The following CPB2 variants were observed in gnomAD, a reference collection of about 807,000 sequenced individuals.
CPB2 encodes the protein carboxypeptidase B-like protein.
CPB2 carries 54 observed loss-of-function variants against 57.0 expected under a neutral mutation model. The ratio of observed to expected loss-of-function variants is 0.95; its 90% CI spans 0.76 to 1.19. The LOEUF (loss-of-function observed/expected upper bound fraction) is 1.19. CPB2 is among the 50% of genes most tolerant of loss of function. The probability of loss-of-function intolerance (pLI) is 0.00; values close to 1 mark genes in which losing one functional copy is unlikely to be tolerated. For missense variants in CPB2, 426 were observed against 512.0 expected (o/e 0.83, Z 1.62); for synonymous variants, 189 against 178.1 (o/e 1.06, Z -0.49).
At chr13:46,101,360 G>T (rs1056718468) in intron 1 of CPB2, 1 of 152,126 alleles carries the variant, frequency 6.6e-6, no homozygotes, top group Non-Finnish European at 1.5e-5. Flanking sequence ...TTCTTTTAAA[G>T]ATTTTCTTTT....
intron 6 of CPB2, 63 bp from the exon 7 acceptor site, chr13:46,067,480 C>T: frequency 1.2e-6 from 1 of 836,346 alleles, no homozygotes; most frequent in South Asian, 1.6e-5. Context: ...TAGTGTGTTT[C>T]TTTTTCTTTT....
chr13:46,096,867 G>A (rs1273235341), intron 1 of CPB2, among the ~76,000 whole-genome samples: 1 of 152,186 alleles, frequency 6.6e-6, no homozygotes, highest in Non-Finnish European at 1.5e-5. Flanking sequence ...GTCCCAAATA[G>A]GCAGAGCTTC....
intron 1 of CPB2, chr13:46,100,605 A>G (rs1250958681): frequency 6.6e-6 from 1 of 152,130 alleles, no homozygotes; most frequent in Non-Finnish European, 1.5e-5. Context: ...ATAATGAGAG[A>G]GTTGGATGTT....
intron 6 of CPB2, among the ~76,000 whole-genome samples, chr13:46,069,712 G>C (rs1204058099): frequency 6.6e-6 from 1 of 152,148 alleles, no homozygotes; most frequent in African/African-American, 2.4e-5. Context: ...TTCATTGCAT[G>C]AATATGCTGC....
Position 46,064,758 on chromosome 13 carries a change from C to T in CPB2, c.703-17G>A, listed in dbSNP as rs753115072. Reference sequence around the variant, plus strand: ...CATTCGATTCTACATAAACAAAATACAAACAGACAACCTGGGTAGCCACGT... The same window carrying T: ...CATTCGATTCTACATAAACAAAATATAAACAGACAACCTGGGTAGCCACGT... On this transcript the variant is annotated splice_polypyrimidine_tract_variant and intron_variant, in intron 7 of 10. Transcript: ENST00000181383. 155 of 1,607,728 alleles carry T rather than the reference C, an allele frequency of 9.6e-5. No homozygotes were observed. Among genetic ancestry groups the T allele is most frequent in the Non-Finnish European group, 1.3e-4 (149 of 1,174,530 alleles).
rs1386834142 is a variant in CPB2, at chr13:46,103,589, A to G, written c.74+1347T>C. ...TTGTAAAATGTCAGTAAAGATTCCT[A>G]GCATGTAGGATTTTATGCATTTAAA... On this transcript the variant is annotated intron_variant, in intron 1 of 10. Transcript: ENST00000181383. 3.3e-5 allele frequency among the ~76,000 whole-genome samples: 5 copies of G among 152,316 alleles called. No homozygotes were observed. In the East Asian group the frequency reaches 9.6e-4, roughly 29 times the overall value.
chr13:46,082,410 A>T, intron 4 of CPB2, 31 bp downstream of exon 4: 6 of 1,259,886 alleles, frequency 4.8e-6, no homozygotes, highest in Non-Finnish European at 6.9e-6. Context: ...AAATGAAAAT[A>T]GTAGCTTTGA....
At chr13:46,067,229 A>G (rs2044870237) in intron 7 of CPB2, 78 bp downstream of exon 7, 1 of 699,404 alleles carries the variant, frequency 1.4e-6, no homozygotes, top group South Asian at 2.1e-5. Context: ...CTAGATCCAG[A>G]ATTCTATGAA....
intron 1 of CPB2, chr13:46,099,984 C>G (rs746490541): frequency 6.6e-6 from 1 of 151,944 alleles, no homozygotes; most frequent in Non-Finnish European, 1.5e-5. Context: ...AAAATCACAC[C>G]ACTGGACTCC....
intron 10 of CPB2, among the ~76,000 whole-genome samples, chr13:46,054,676 C>T (rs1197257767): frequency 6.6e-6 from 1 of 151,934 alleles, no homozygotes; most frequent in African/African-American, 2.4e-5. Flanking sequence ...ATGAAAGCTA[C>T]AATTGCCAGA....
chr13:46,067,062 G>A (rs1351593238), intron 7 of CPB2, among the ~76,000 whole-genome samples: 2 of 151,870 alleles, frequency 1.3e-5, no homozygotes, highest in East Asian at 3.9e-4. Context: ...AGTGGGTAGA[G>A]AGAATACAGA....
intron 1 of CPB2, among the ~76,000 whole-genome samples, chr13:46,095,867 G>T (rs9534322): frequency 7.0e-6 from 1 of 143,856 alleles, no homozygotes; most frequent in East Asian, 2.0e-4. Context: ...TGTGACTCTG[G>T]CTATAGGACT....
intron 2 of CPB2, among the ~76,000 whole-genome samples, chr13:46,086,232 T>C (rs1312979701): frequency 6.6e-6 from 1 of 152,084 alleles, no homozygotes; most frequent in African/African-American, 2.4e-5. Flanking sequence ...ACCCACAACG[T>C]GGCAAGCAAG....
At chr13:46,074,717 C>G (rs2044995138) in intron 5 of CPB2, among the ~76,000 whole-genome samples, 1 of 152,098 alleles carries the variant, frequency 6.6e-6, no homozygotes, top group Non-Finnish European at 1.5e-5. Flanking sequence ...CTTTTTGGCA[C>G]TAGGGACCAG....
chr13:46,098,739 C>A (rs17843996), intron 1 of CPB2: 29,900 of 152,252 alleles, frequency 0.2, 3,516 homozygotes, highest in Non-Finnish European at 0.28. Context: ...TTTGGGACAA[C>A]TTTACCAGGC....
At chr13:46,066,072 A>G (rs1191049771) in intron 7 of CPB2, among the ~76,000 whole-genome samples, 2 of 152,202 alleles carry the variant, frequency 1.3e-5, no homozygotes, top group South Asian at 2.1e-4. Context: ...TTTTTCCTCA[A>G]TCTCCTGTGC....
intron 6 of CPB2, among the ~76,000 whole-genome samples, chr13:46,067,822 A>G (rs1037331230): frequency 6.6e-6 from 1 of 152,240 alleles, no homozygotes; most frequent in Non-Finnish European, 1.5e-5. Flanking sequence ...ATGTGATTAC[A>G]TGATATTGGC....
intron 6 of CPB2, among the ~76,000 whole-genome samples, chr13:46,069,228 T>A (rs1470624228): frequency 2.0e-5 from 3 of 152,200 alleles, no homozygotes; most frequent in Non-Finnish European, 2.9e-5. Flanking sequence ...AAGGAGTGAG[T>A]GAGGGCTGAA....
At chr13:46,095,323 A>T (rs2045349907) in intron 1 of CPB2, among the ~76,000 whole-genome samples, 4 of 9,888 alleles carry the variant, frequency 4.0e-4, no homozygotes, top group Admixed American at 3.1e-3. Context: ...ATCAAAATTA[A>T]AAAAAAAAAA....
Sources: allele counts gnomAD v4.1 joint callset (sites outside exome capture counted in the v4.1 genomes callset), GRCh38; gene constraint gnomAD v4.1.1; transcripts MANE v1.5; gene names NCBI Gene and HGNC (gene_info 2026-07-23, HGNC 2026-07-21).